The following EPB41 variants were observed in gnomAD, a reference collection of about 807,000 sequenced individuals.
EPB41 encodes the protein protein 4.1.
In EPB41, 65 loss-of-function variants were observed where a neutral mutation model predicts 108.0. That is an observed-to-expected ratio of 0.60 (90% CI 0.49 to 0.74). EPB41 has a LOEUF of 0.74. Ranked by LOEUF, EPB41 falls within the 30% of genes least tolerant of loss-of-function variation. The pLI is 0.00. For synonymous variants in EPB41, 336 were observed against 358.9 expected (o/e 0.94, Z 0.72); for missense variants, 875 against 1,037.0 (o/e 0.84, Z 2.15).
chr1:29,068,782 A>AG (rs1649756233), intron 16 of EPB41: 1 of 1,232,176 alleles, frequency 8.1e-7, no homozygotes, highest in East Asian at 3.2e-5. Context: ...GGTGGGCCAG[A>AG]GGTAAAGCTG....
At chr1:29,087,122 T>C (rs1659346791) in intron 16 of EPB41, among the ~76,000 whole-genome samples, 1 of 151,798 alleles carries the variant, frequency 6.6e-6, no homozygotes, top group Admixed American at 6.6e-5. Flanking sequence ...TTTGGAGTTT[T>C]AGTAGAGACA....
At chr1:29,088,045 CTTTTTTTCTTT>C (rs1659831675) in intron 16 of EPB41, among the ~76,000 whole-genome samples, 1 of 131,576 alleles carries the variant, frequency 7.6e-6, no homozygotes, top group African/African-American at 2.7e-5. Flanking sequence ...TTCTTTTTTT[CTTTTTTTCTTT>C]TTTTTTTGAG....
Position 29,085,303 on chromosome 1 carries a change from C to T in EPB41, c.2185-12504C>T, listed in dbSNP as rs113949879. ...GATTACAGGCACCCGCCACCATGCC[C>T]GGCTAATTTTTTTGTATTTTTAGTG... On this transcript the variant is annotated intron_variant, in intron 16 of 20. Coordinates refer to ENST00000343067, the MANE Select transcript of EPB41 (RefSeq NM_001376013.1). 4.1e-3 allele frequency among the ~76,000 whole-genome samples: 630 copies of T among 151,808 alleles called. 7 individuals are homozygous for T. Among genetic ancestry groups the T allele is most frequent in the African/African-American group, 0.014 (581 of 41,410 alleles).
intron 16 of EPB41, among the ~76,000 whole-genome samples, chr1:29,066,203 G>C (rs1370322506): frequency 6.6e-6 from 1 of 151,734 alleles, no homozygotes; most frequent in African/African-American, 2.4e-5. Context: ...GGCGGATCAT[G>C]AGGTCAGGAG....
At chr1:29,031,584 G>T (rs2096789852) in intron 8 of EPB41, among the ~76,000 whole-genome samples, 1 of 152,158 alleles carries the variant, frequency 6.6e-6, no homozygotes, top group Non-Finnish European at 1.5e-5. Flanking sequence ...CAGGCCTGCT[G>T]AGTTAGACTC....
intron 16 of EPB41, among the ~76,000 whole-genome samples, chr1:29,093,079 T>C (rs542949923): frequency 4.6e-5 from 7 of 152,224 alleles, no homozygotes; most frequent in Non-Finnish European, 1.0e-4. Context: ...GTAATAGGAT[T>C]GCTGGGTCAA....
At chr1:29,070,320 G>T (rs1393733199) in intron 16 of EPB41, 1 of 1,211,802 alleles carries the variant, frequency 8.3e-7, no homozygotes. Context: ...CTGTCATTTT[G>T]TTCATCTTAT....
chr1:28,931,424 G>GAAAAAT (rs1278390408), intron 1 of EPB41, among the ~76,000 whole-genome samples: 1 of 141,780 alleles, frequency 7.1e-6, no homozygotes, highest in Non-Finnish European at 1.5e-5. Context: ...ACAAAATTTA[G>GAAAAAT]AAAAATAGCT....
rs1426763751 is a variant in EPB41 at position 28,897,567 on chromosome 1, A to AGGAAG, written c.-8+10368_-8+10372dup. 3.0e-4 allele frequency among the ~76,000 whole-genome samples: 40 copies of AGGAAG among 133,892 alleles called. 1 individual carries two copies. Among genetic ancestry groups the AGGAAG allele is most frequent in the Middle Eastern group, 3.6e-3 (1 of 280 alleles). The allele number at this position is 133,892 out of a possible 152,430, so 87.8% of individuals were successfully genotyped here. ...CCTGTAGGTAGGTAGGTAGGAAGGT[A>AGGAAG]GGAAGGGAAGGGAAGCGGAGGGAAG... On this transcript the variant is annotated intron_variant, in intron 1 of 16. Transcript: ENST00000347529.
intron 11 of EPB41, among the ~76,000 whole-genome samples, chr1:29,051,427 G>T (rs1017444039): frequency 6.6e-6 from 1 of 151,946 alleles, no homozygotes; most frequent in Non-Finnish European, 1.5e-5. Context: ...ATTGTTGTAT[G>T]AAGTAGTTGG....
chr1:28,951,717 G>A (rs1484770509), intron 1 of EPB41, among the ~76,000 whole-genome samples: 1 of 152,024 alleles, frequency 6.6e-6, no homozygotes, highest in Non-Finnish European at 1.5e-5. Flanking sequence ...AGCCAGGTAT[G>A]GTAGTACACA....
intron 1 of EPB41, among the ~76,000 whole-genome samples, chr1:28,955,683 TGA>T (rs1557805911): frequency 6.6e-6 from 1 of 152,094 alleles, no homozygotes; most frequent in Non-Finnish European, 1.5e-5. Flanking sequence ...CTCCGTTTAC[TGA>T]GTGGGTATAG....
intron 11 of EPB41, among the ~76,000 whole-genome samples, chr1:29,046,584 G>A (rs998431343): frequency 2.0e-5 from 3 of 151,978 alleles, no homozygotes; most frequent in Non-Finnish European, 2.9e-5. Context: ...TGGCTAGAAC[G>A]TCCAATGTAA....
intron 16 of EPB41, chr1:29,071,746 A>G (rs1451524526): frequency 2.6e-5 from 4 of 152,144 alleles, no homozygotes; most frequent in African/African-American, 9.7e-5. Flanking sequence ...TTTTACCTCA[A>G]TATTGAAGAA....
intron 1 of EPB41, among the ~76,000 whole-genome samples, chr1:28,957,753 A>T (rs2095020883): frequency 6.6e-6 from 1 of 152,174 alleles, no homozygotes; most frequent in Non-Finnish European, 1.5e-5. Context: ...ATTGGTCTTT[A>T]AAAATGGCCT....
chr1:29,047,353 G>A (rs1031632418), intron 11 of EPB41, among the ~76,000 whole-genome samples: 2 of 143,742 alleles, frequency 1.4e-5, no homozygotes, highest in African/African-American at 5.2e-5. Flanking sequence ...AGGCCCAAAT[G>A]ATCCTCCCAC....
intron 12 of EPB41, among the ~76,000 whole-genome samples, chr1:29,057,232 C>T (rs531275582): frequency 1.3e-4 from 19 of 151,860 alleles, no homozygotes; most frequent in African/African-American, 4.6e-4. Context: ...AAAAATTAGC[C>T]AGGCATGGTG....
At chr1:29,067,248 A>G (rs1433229452) in intron 16 of EPB41, among the ~76,000 whole-genome samples, 1 of 151,730 alleles carries the variant, frequency 6.6e-6, no homozygotes, top group Non-Finnish European at 1.5e-5. Context: ...CTGTAATCCC[A>G]GCACTTTGGG....
chr1:29,088,392 A>G (rs998628205), intron 16 of EPB41, among the ~76,000 whole-genome samples: 1 of 152,112 alleles, frequency 6.6e-6, no homozygotes, highest in Admixed American at 6.6e-5. Context: ...GGTAAGCGAC[A>G]TCTAGATTAA....
Sources: gnomAD v4.1 joint callset for allele counts (sites outside exome capture counted in the v4.1 genomes callset) on GRCh38, gnomAD v4.1.1 for gene constraint, MANE v1.5 for transcripts, NCBI Gene and HGNC (gene_info 2026-07-23, HGNC 2026-07-21) for gene names.